The following BANP variants were observed in gnomAD, a reference collection of about 807,000 sequenced individuals.
BANP encodes the protein BTG3 associated nuclear protein.
In BANP, 11 loss-of-function variants were observed where a neutral mutation model predicts 68.1. That is an observed-to-expected ratio of 0.16 (90% confidence interval 0.10 to 0.27). BANP has a LOEUF of 0.27. Among genes scored for constraint, BANP ranks in the 10% least tolerant of loss-of-function variants. The probability of loss-of-function intolerance (pLI) is 1.00; values close to 1 mark genes in which losing one functional copy is unlikely to be tolerated. For synonymous variants in BANP, 329 were observed against 303.2 expected, an observed-to-expected ratio of 1.09 and a Z score of -0.88; for missense variants, 504 against 722.7, an observed-to-expected ratio of 0.70 and a Z score of 3.47.
At chr16:88,052,043 C>T (rs1006281423) in intron 11 of BANP, among the ~76,000 whole-genome samples, 1 of 152,182 alleles carries the variant, frequency 6.6e-6, no homozygotes, top group African/African-American at 2.4e-5. Context: ...CCTCTTGAAG[C>T]ACTGTATCTG....
intron 13 of BANP, among the ~76,000 whole-genome samples, 183 bp from the exon 14 acceptor site, chr16:88,076,407 C>T (rs1028219850): frequency 2.0e-5 from 3 of 152,174 alleles, no homozygotes; most frequent in Admixed American, 6.5e-5. Flanking sequence ...GTGGGCGCGT[C>T]GTTCCGCTGG....
In BANP at chr16:87,998,884, G is replaced by A. The variant is rs868636457; in HGVS notation, c.363-5411G>A. On this transcript the variant is annotated intron_variant, in intron 4 of 13. Coordinates refer to ENST00000682872, the MANE Select transcript of BANP (RefSeq NM_001386991.1). Reference sequence around the variant, plus strand: ...TCCAGACACGTCTCCATGCACGCACGTGCGCGGCTGTACTTACCAGGCCTT... The same window carrying A: ...TCCAGACACGTCTCCATGCACGCACATGCGCGGCTGTACTTACCAGGCCTT... Among the ~76,000 whole-genome samples the A allele has an allele frequency of 6.4e-5, 6 of 94,386 alleles. No homozygotes were observed. In the East Asian group the frequency reaches 1.8e-3, roughly 28 times the overall value. The allele number at this position is 94,386 out of a possible 152,430, so 61.9% of individuals were successfully genotyped here.
chr16:88,018,377 G>T lies in BANP; in HGVS notation c.656-51G>T. ...AGCAGAGCGCTCTGCTGTCCTGAAT[G>T]TGAGCTTATTTGAGCCTTGGCCATC... On this transcript the variant is annotated intron_variant, in intron 6 of 13. Coordinates refer to ENST00000682872, the MANE Select transcript of BANP (RefSeq NM_001386991.1). The surrounding 1 kb of genome is among the most constrained non-coding windows in gnomAD (Gnocchi z 7.7). 1 of 1,578,570 alleles carries T rather than the reference G, an allele frequency of 6.3e-7. No homozygotes were observed. The highest frequency in any genetic ancestry group is 8.6e-7 in the Non-Finnish European group (1 of 1,161,080).
At chr16:88,027,223 C>T (rs986485559) in intron 7 of BANP, among the ~76,000 whole-genome samples, 2 of 152,020 alleles carry the variant, frequency 1.3e-5, no homozygotes, top group Admixed American at 6.5e-5. Flanking sequence ...TCAGAGGGAT[C>T]GAGAAGTTAA....
intron 11 of BANP, among the ~76,000 whole-genome samples, chr16:88,041,672 C>T (rs1420304922): frequency 9.4e-6 from 1 of 106,540 alleles, no homozygotes; most frequent in Non-Finnish European, 1.9e-5. Context: ...TTCCCTGTAG[C>T]CCACGACACC....
At chr16:87,987,265 G>T (rs957312427) in intron 4 of BANP, among the ~76,000 whole-genome samples, 1 of 152,146 alleles carries the variant, frequency 6.6e-6, no homozygotes, top group Non-Finnish European at 1.5e-5. Flanking sequence ...TTTTAGAAGA[G>T]ACAGGGTTTC....
Position 88,004,370 on chromosome 16 carries a change from G to C in BANP, c.438G>C (p.Leu146Phe), listed in dbSNP as rs1369440092. Reference protein sequence around the residue: ...NAIVAKMEDPLSNRAPDSLEN... With the variant: ...NAIVAKMEDPFSNRAPDSLEN... ...TTGTAGCCAAGATGGAAGACCCCTT[G>C]AGCAACAGGGCACCGGATTCCCTGG... The change falls in exon 5 of 14, where the codon TTG becomes TTC. Residue 146 changes from leucine to phenylalanine, a missense_variant. Leu to Phe is a conservative substitution (Grantham distance 22, BLOSUM62 0). Coordinates refer to ENST00000682872, the MANE Select transcript of BANP (RefSeq NM_001386991.1). This position sits in a 1 kb window ranked among gnomAD's most constrained non-coding sequence, Gnocchi z 7.0. 1.3e-6 allele frequency: 2 copies of C among 1,548,330 alleles called. No individual in the cohort carries two copies. The highest frequency in any genetic ancestry group is 1.2e-5 in the South Asian group (1 of 83,914).
At chr16:87,998,076 C>CG (rs1211604610) in intron 4 of BANP, among the ~76,000 whole-genome samples, 21 of 152,180 alleles carry the variant, frequency 1.4e-4, no homozygotes, top group Non-Finnish European at 2.9e-5. Context: ...TGTGAACCAG[C>CG]GGGTCGAGAG....
At position 87,994,106 on chromosome 16, in the gene BANP, C is replaced by T. The variant is rs192358365; in HGVS notation, c.362+9847C>T. Among the ~76,000 whole-genome samples the T allele has an allele frequency of 1.6e-3, 237 of 149,714 alleles. 2 individuals are homozygous for T. The highest frequency in any genetic ancestry group is 3.4e-3 in the Middle Eastern group (1 of 294). ...TTGGAGACCAGGATGCGGAGCGCGG[C>T]GGTGTGCTGCGGTGCACTGTGTCCT... On this transcript the variant is annotated intron_variant, in intron 4 of 13. Transcript: ENST00000682872.
In BANP at chr16:87,974,739, G is replaced by A. The variant is rs542311364; in HGVS notation, c.-68-309G>A. On this transcript the variant is annotated intron_variant, in intron 1 of 13. Transcript: ENST00000682872. ...GGCCCCACTGGAGACTTGGGCTGAG[G>A]GAGAGGACGTTTCCAAGCCAGTGTT... Among the ~76,000 whole-genome samples the A allele has an allele frequency of 1.6e-4, 25 of 152,270 alleles. 1 individual carries two copies. The East Asian group carries it at 4.8e-3, about 29-fold the overall frequency.
In BANP at chr16:88,076,838, C is replaced by T. The variant is rs1245433819; in HGVS notation, c.*177C>T. ...TATCAACTGAAAGAGCAGCCGCCGC[C>T]GCCCCCAGCCGGAGACCCCTTTCGT... On this transcript the variant is annotated 3_prime_UTR_variant, in exon 14 of 14. Coordinates refer to ENST00000682872, the MANE Select transcript of BANP (RefSeq NM_001386991.1). The T allele has an allele frequency of 3.4e-6, 2 of 590,602 alleles. No homozygotes were observed. Among genetic ancestry groups the T allele is most frequent in the African/African-American group, 1.9e-5 (1 of 53,126 alleles). 36.6% of individuals were successfully genotyped at this position (590,602 alleles called of 1,614,324 possible). A position where few individuals can be genotyped will look rare whatever the true frequency, so the allele number is the denominator to read the frequency against.
At position 88,003,601 on chromosome 16, in the gene BANP, C is replaced by A. The variant is rs1373789795; in HGVS notation, c.363-694C>A. 1 of 453,138 alleles carries A rather than the reference C, an allele frequency of 2.2e-6. No homozygotes were observed. Among genetic ancestry groups the A allele is most frequent in the Non-Finnish European group, 4.4e-6 (1 of 225,090 alleles). The allele number at this position is 453,138 out of a possible 1,614,324, so 28.1% of individuals were successfully genotyped here. On this transcript the variant is annotated intron_variant, in intron 4 of 13. Coordinates refer to ENST00000682872, the MANE Select transcript of BANP (RefSeq NM_001386991.1). The surrounding 1 kb of genome is among the most constrained non-coding windows in gnomAD (Gnocchi z 6.1). Reference sequence around the variant, plus strand: ...TTTGAGATGAAGCTGTGTTAGCTGCCGCCTGTCTGAACACACTCGTGCTTC... The same window carrying A: ...TTTGAGATGAAGCTGTGTTAGCTGCAGCCTGTCTGAACACACTCGTGCTTC...
intron 6 of BANP, among the ~76,000 whole-genome samples, chr16:88,012,471 C>T (rs1412723547): frequency 2.0e-5 from 3 of 152,132 alleles, no homozygotes; most frequent in Non-Finnish European, 2.9e-5. Flanking sequence ...TGTTGTGGAA[C>T]GTAACACCAT....
chr16:88,032,909 T>C (rs1201682773), intron 8 of BANP, among the ~76,000 whole-genome samples, 200 bp from the exon 9 acceptor site: 1 of 152,364 alleles, frequency 6.6e-6, no homozygotes, highest in Admixed American at 6.5e-5. Flanking sequence ...TTGCATTCCA[T>C]GTCGGAAGCC....
intron 10 of BANP, among the ~76,000 whole-genome samples, chr16:88,035,968 C>T (rs1294238850): frequency 2.6e-5 from 4 of 152,206 alleles, no homozygotes; most frequent in Admixed American, 2.6e-4. Flanking sequence ...AGTGCGGGCT[C>T]AGCTGCTGTT....
At chr16:88,027,134 G>A (rs1236437611) in intron 7 of BANP, among the ~76,000 whole-genome samples, 2 of 152,260 alleles carry the variant, frequency 1.3e-5, no homozygotes, top group East Asian at 1.9e-4. Flanking sequence ...GTGAGCTCAG[G>A]GCAGAGGGAA....
rs573550962 is a variant in BANP, at chr16:87,967,254, CTTTTTTTTTTTT to C, written c.-68-7779_-68-7768del. ...TCTGTACTTTTTCCTGGAAAAGGTT[CTTTTTTTTTTTT>C]TTTTTTTTTTTTTTGTATTTTTAGT... On this transcript the variant is annotated intron_variant, in intron 1 of 13. Coordinates refer to ENST00000682872, the MANE Select transcript of BANP (RefSeq NM_001386991.1). 5.1e-3 allele frequency among the ~76,000 whole-genome samples: 541 copies of C among 106,998 alleles called. 2 individuals carry two copies. Among genetic ancestry groups the C allele is most frequent in the African/African-American group, 0.017 (496 of 28,428 alleles). 70.2% of individuals were successfully genotyped at this position (106,998 alleles called of 152,430 possible). A position where few individuals can be genotyped will look rare whatever the true frequency, so the allele number is the denominator to read the frequency against.
chr16:87,958,363 G>A (rs962147962), intron 1 of BANP, among the ~76,000 whole-genome samples: 2 of 152,208 alleles, frequency 1.3e-5, no homozygotes, highest in African/African-American at 4.8e-5. Flanking sequence ...AGTGGCTAAC[G>A]GGTAGGTATC....
rs542786323 is a variant in BANP, at chr16:88,004,901, C to A, written c.479+490C>A. Among the ~76,000 whole-genome samples, 5 of 152,270 alleles carry A rather than the reference C, an allele frequency of 3.3e-5. No individual in the cohort carries two copies. In the South Asian group the frequency reaches 1.0e-3, roughly 32 times the overall value. ...GTGGGAGTGGACAGAAGACACCGTC[C>A]CCGCTCTGTGTGAGGGGAAGGCTGT... On this transcript the variant is annotated intron_variant, in intron 5 of 13. Coordinates refer to ENST00000682872, the MANE Select transcript of BANP (RefSeq NM_001386991.1). The surrounding 1 kb of genome is among the most constrained non-coding windows in gnomAD (Gnocchi z 7.0).
Sources: allele counts gnomAD v4.1 joint callset (sites outside exome capture counted in the v4.1 genomes callset), GRCh38; gene constraint gnomAD v4.1.1; non-coding constraint Gnocchi (gnomAD v3.1); transcripts MANE v1.5; gene names NCBI Gene and HGNC (gene_info 2026-07-23, HGNC 2026-07-21).